Variants in SV2C observed in about 807,000 individuals in gnomAD.
The protein encoded by SV2C is synaptic vesicle glycoprotein 2C, also known as solute carrier family 22 member B3.
Under a neutral mutation model 79.7 loss-of-function variants are expected in SV2C, and 49 were observed. The ratio of observed to expected loss-of-function variants is 0.61; its 90% CI spans 0.49 to 0.78. The LOEUF is 0.78. Among genes scored for constraint, SV2C ranks in the 30% least tolerant of loss-of-function variants. SV2C has a pLI of 0.00. For missense variants in SV2C, 833 were observed against 912.9 expected (o/e 0.91, Z 1.13); for synonymous variants, 334 against 333.2 (o/e 1.00, Z -0.03).
chr5:76,138,345 A>T (rs1000899122), intron 2 of SV2C, among the ~76,000 whole-genome samples: 1 of 152,174 alleles, frequency 6.6e-6, no homozygotes, highest in African/African-American at 2.4e-5. Context: ...CCCTGAGAAG[A>T]ACACAAGGCT....
At chr5:76,230,770 CAG>C (rs764108879) in intron 4 of SV2C, among the ~76,000 whole-genome samples, 1 of 148,596 alleles carries the variant, frequency 6.7e-6, no homozygotes, top group Non-Finnish European at 1.5e-5. Context: ...GCCTGGGTGA[CAG>C]AGCAAGACTC....
At chr5:76,039,904 T>C in the SV2C span, among the ~76,000 whole-genome samples, 5 of 152,298 alleles carry the variant, frequency 3.3e-5, no homozygotes, top group East Asian at 9.7e-4. Context: ...TAGATTACTA[T>C]AGCTTAAAGG....
At chr5:76,322,300 A>C (rs980369805) in intron 12 of SV2C, among the ~76,000 whole-genome samples, 13 of 152,230 alleles carry the variant, frequency 8.5e-5, no homozygotes, top group African/African-American at 2.9e-4. Flanking sequence ...CTACAAAGAC[A>C]GTAAAATACC....
chr5:75,880,557 T>C, the SV2C span, among the ~76,000 whole-genome samples: 2 of 152,214 alleles, frequency 1.3e-5, no homozygotes, highest in East Asian at 1.9e-4. Context: ...ATAACAAGGA[T>C]GACCTTTGCT....
chr5:75,850,116 A>G, the SV2C span, among the ~76,000 whole-genome samples: 1 of 152,164 alleles, frequency 6.6e-6, no homozygotes, highest in African/African-American at 2.4e-5. Flanking sequence ...AGTTTTAGGT[A>G]TATAAGGAAT....
chr5:76,262,451 G>T (rs958768306), intron 4 of SV2C, among the ~76,000 whole-genome samples: 1 of 151,910 alleles, frequency 6.6e-6, no homozygotes, highest in Non-Finnish European at 1.5e-5. Context: ...GTTTTCCTCT[G>T]ATCTTAGTTA....
At chr5:76,348,669 T>C (rs756678074) in intron 12 of SV2C, among the ~76,000 whole-genome samples, 1 of 152,162 alleles carries the variant, frequency 6.6e-6, no homozygotes, top group Non-Finnish European at 1.5e-5. Context: ...CTCTATATAA[T>C]AAAGCTAAAT....
At chr5:76,165,513 C>A (rs1580320644) in intron 2 of SV2C, among the ~76,000 whole-genome samples, 1 of 152,300 alleles carries the variant, frequency 6.6e-6, no homozygotes, top group Middle Eastern at 3.4e-3. Context: ...CTGTCCTCAA[C>A]CCTAACCCCT....
rs554240742 is a variant in SV2C, at chr5:76,344,196, A to T, written c.2001-8934A>T. ...TATGATTCCTTCTGAAGTGTATTTTACCTCAGCTTCCAAAATAAGTATGAT... is the reference window on the plus strand; with the variant it reads ...TATGATTCCTTCTGAAGTGTATTTTTCCTCAGCTTCCAAAATAAGTATGAT... On this transcript the variant is annotated intron_variant, in intron 12 of 12. Coordinates refer to the SV2C transcript ENST00000322285. 3.3e-5 allele frequency among the ~76,000 whole-genome samples: 5 copies of T among 152,248 alleles called. 1 individual carries two copies. The South Asian group carries it at 1.0e-3, about 32-fold the overall frequency.
intron 1 of SV2C, among the ~76,000 whole-genome samples, chr5:76,115,971 A>G (rs1041549301): frequency 3.9e-5 from 6 of 152,202 alleles, no homozygotes; most frequent in Non-Finnish European, 4.4e-5. Flanking sequence ...TCTGGGGAGC[A>G]GCATGGCCTA....
chr5:76,112,547 C>T (rs968652234), intron 1 of SV2C, among the ~76,000 whole-genome samples: 5 of 152,100 alleles, frequency 3.3e-5, no homozygotes, highest in Non-Finnish European at 7.3e-5. Context: ...GGTTTCCTGC[C>T]ACACCTTTGG....
Position 76,254,949 on chromosome 5 carries a change from A to G in SV2C, c.914-30213A>G, listed in dbSNP as rs138896911. Among the ~76,000 whole-genome samples the G allele has an allele frequency of 2.8e-3, 420 of 152,214 alleles. 2 individuals carry two copies. Among genetic ancestry groups the G allele is most frequent in the Middle Eastern group, 0.01 (3 of 294 alleles). The stretch of plus-strand genomic sequence containing the variant: ...AATGAGACTCTAAGTGTTGATTTAT[A>G]TTTATTTTTTATAAATCCTCTCTCC... On this transcript the variant is annotated intron_variant, in intron 4 of 12. Transcript: ENST00000502798.
At chr5:76,054,397 T>C in the SV2C span, among the ~76,000 whole-genome samples, 2 of 152,260 alleles carry the variant, frequency 1.3e-5, no homozygotes, top group Non-Finnish European at 2.9e-5. Context: ...CTATCATTGA[T>C]GGGCATTTGA....
chr5:75,854,733 TTTCC>T, the SV2C span, among the ~76,000 whole-genome samples: 23 of 152,320 alleles, frequency 1.5e-4, no homozygotes, highest in Non-Finnish European at 1.2e-4. Context: ...CCATGTGTTA[TTTCC>T]TTCTCTTGTT....
At chr5:76,337,374 C>G (rs189630309), downstream of SV2C, among the ~76,000 whole-genome samples, 1 of 152,248 alleles carries the variant, frequency 6.6e-6, no homozygotes, top group East Asian at 1.9e-4. Context: ...CTAATGACTT[C>G]TTTTCAACTC....
At chr5:75,925,780 G>A in the SV2C span, among the ~76,000 whole-genome samples, 2 of 151,842 alleles carry the variant, frequency 1.3e-5, no homozygotes, top group East Asian at 3.9e-4. Flanking sequence ...AAAGAACATA[G>A]ATTCTTAGAG....
At chr5:76,047,854 C>T in the SV2C span, among the ~76,000 whole-genome samples, 1 of 150,934 alleles carries the variant, frequency 6.6e-6, no homozygotes, top group Admixed American at 6.6e-5. Flanking sequence ...CAAGCTCCGC[C>T]TCCCGGGTTC....
intron 9 of SV2C, 83 bp from the exon 10 acceptor site, chr5:76,298,711 C>A: frequency 6.7e-7 from 1 of 1,501,976 alleles, no homozygotes; most frequent in Non-Finnish European, 9.1e-7. Flanking sequence ...TGGGGCATTC[C>A]ATCTCTAAAA....
At chr5:76,173,567 G>A in intron 2 of SV2C, 2 of 1,500,030 alleles carry the variant, frequency 1.3e-6, no homozygotes, top group Admixed American at 1.7e-5. Flanking sequence ...TGGAATGCTG[G>A]CACTGTTGAA....
Sources: allele counts gnomAD v4.1 joint callset (sites outside exome capture counted in the v4.1 genomes callset), GRCh38; gene constraint gnomAD v4.1.1; transcripts MANE v1.5; gene names NCBI Gene and HGNC (gene_info 2026-07-23, HGNC 2026-07-21).